Variants in KLHDC4 observed in about 807,000 individuals in gnomAD.
The protein encoded by KLHDC4 is kelch domain-containing protein 4.
In KLHDC4, 90 loss-of-function variants were observed where a neutral mutation model predicts 62.4. That is an observed-to-expected ratio of 1.44 (90% confidence interval 1.22 to 1.72). The LOEUF is 1.72. Ranked by LOEUF, KLHDC4 falls within the 40% of genes most tolerant of loss-of-function variation. The probability of loss-of-function intolerance (pLI) is 0.00; values close to 1 mark genes in which losing one functional copy is unlikely to be tolerated. For synonymous variants in KLHDC4, 386 were observed against 284.4 expected, an observed-to-expected ratio of 1.36 and a Z score of -3.59; for missense variants, 1,025 against 699.7, an observed-to-expected ratio of 1.47 and a Z score of -5.25.
intron 5 of KLHDC4, among the ~76,000 whole-genome samples, chr16:87,741,397 T>C (rs2042220830): frequency 6.6e-6 from 1 of 152,218 alleles, no homozygotes; most frequent in Non-Finnish European, 1.5e-5. Flanking sequence ...CCCCACCTCC[T>C]GTCAAAGCAG....
Position 87,764,177 on chromosome 16 carries a change from G to C in KLHDC4, c.99+1615C>G, listed in dbSNP as rs541742545. ...CAGACACAGCTGAATTTAAGAAAGA[G>C]ATGATCCTCTGTGGGTCTAGCCTAA... On this transcript the variant is annotated intron_variant, in intron 1 of 11. Coordinates refer to ENST00000270583, the MANE Select transcript of KLHDC4 (RefSeq NM_017566.4). Among the ~76,000 whole-genome samples the C allele has an allele frequency of 3.9e-5, 6 of 152,336 alleles. No homozygotes were observed. The East Asian group carries it at 5.8e-4, about 15-fold the overall frequency.
At chr16:87,754,905 G>A (rs188841748) in intron 4 of KLHDC4, among the ~76,000 whole-genome samples, 158 of 152,326 alleles carry the variant, frequency 1.0e-3, no homozygotes, top group African/African-American at 3.6e-3. Context: ...CGTGGGCCTA[G>A]GGGGAGTGAG....
At chr16:87,717,985 C>G (rs1180077345) in intron 7 of KLHDC4, among the ~76,000 whole-genome samples, 1 of 152,180 alleles carries the variant, frequency 6.6e-6, no homozygotes, top group African/African-American at 2.4e-5. Flanking sequence ...TTCACAAGGC[C>G]TGATCTGCTC....
chr16:87,723,867 T>C (rs1293846005), intron 7 of KLHDC4, among the ~76,000 whole-genome samples: 2 of 152,228 alleles, frequency 1.3e-5, no homozygotes, highest in Non-Finnish European at 2.9e-5. Context: ...AGATGAGTCT[T>C]GCTCTATTGC....
chr16:87,723,658 C>A (rs190626258), intron 7 of KLHDC4, among the ~76,000 whole-genome samples: 2 of 152,238 alleles, frequency 1.3e-5, no homozygotes, highest in Non-Finnish European at 2.9e-5. Context: ...AGAAAAAAAT[C>A]GGGTCATTCC....
intron 5 of KLHDC4, among the ~76,000 whole-genome samples, chr16:87,742,727 G>A (rs1360460471): frequency 6.6e-6 from 1 of 152,090 alleles, no homozygotes; most frequent in African/African-American, 2.4e-5. Flanking sequence ...CGTGGAGTAC[G>A]AAGACTTGAG....
rs60284660 is a variant in KLHDC4 at position 87,732,101 on chromosome 16, T to TCTTTTC, written c.507-1458_507-1457insGAAAAG. 2.8e-4 allele frequency among the ~76,000 whole-genome samples: 42 copies of TCTTTTC among 149,598 alleles called. 1 individual carries two copies. The highest frequency in any genetic ancestry group is 7.4e-4 in the African/African-American group (30 of 40,674). On this transcript the variant is annotated intron_variant, in intron 5 of 11. Coordinates refer to ENST00000270583, the MANE Select transcript of KLHDC4 (RefSeq NM_017566.4). Reference sequence around the variant, plus strand: ...ATTACATAAGTGTGCATATTTCTTTTTTTTTTTTTTTTTTGAGACAGCGTT... The same window carrying TCTTTTC: ...ATTACATAAGTGTGCATATTTCTTTTCTTTTCTTTTTTTTTTTTTTGAGACAGCGTT...
chr16:87,763,747 G>A (rs2046214027), intron 1 of KLHDC4: 1 of 152,248 alleles, frequency 6.6e-6, no homozygotes, highest in African/African-American at 2.4e-5. Flanking sequence ...CTGCTACTTA[G>A]AGCGGTCTTT....
At chr16:87,746,090 C>T (rs1253269403) in intron 5 of KLHDC4, among the ~76,000 whole-genome samples, 2 of 151,756 alleles carry the variant, frequency 1.3e-5, no homozygotes, top group African/African-American at 2.4e-5. Flanking sequence ...ATGACAAGAC[C>T]CCATCTCTAA....
At chr16:87,761,549 T>C (rs1222508966) in intron 2 of KLHDC4, among the ~76,000 whole-genome samples, 2 of 152,256 alleles carry the variant, frequency 1.3e-5, no homozygotes, top group African/African-American at 4.8e-5. Flanking sequence ...TTTAACAAAC[T>C]TTTCACATGA....
intron 1 of KLHDC4, among the ~76,000 whole-genome samples, chr16:87,764,266 G>A (rs1309145063): frequency 1.3e-5 from 2 of 152,116 alleles, no homozygotes; most frequent in Non-Finnish European, 2.9e-5. Flanking sequence ...ACAAACCCCA[G>A]GCCTGACAGG....
rs1231100929 is a variant in KLHDC4 at position 87,717,200 on chromosome 16, C to A, written c.760-2627G>T. ...GAGCCAAGATCATGCCACTGCACTCCAGCCTGGACGACAGAGTGAGACTTC... is the reference window on the plus strand; with the variant it reads ...GAGCCAAGATCATGCCACTGCACTCAAGCCTGGACGACAGAGTGAGACTTC... On this transcript the variant is annotated intron_variant, in intron 7 of 11. Transcript: ENST00000270583. 2.6e-5 allele frequency among the ~76,000 whole-genome samples: 4 copies of A among 152,342 alleles called. No individual in the cohort carries two copies. In the East Asian group the frequency reaches 7.7e-4, roughly 29 times the overall value.
intron 7 of KLHDC4, among the ~76,000 whole-genome samples, chr16:87,720,674 C>T (rs546323372): frequency 1.2e-4 from 18 of 152,360 alleles, no homozygotes; most frequent in African/African-American, 3.6e-4. Flanking sequence ...AGCATGAAGC[C>T]GCGCGCCCCC....
chr16:87,725,366 A>G (rs1056418210), intron 7 of KLHDC4, among the ~76,000 whole-genome samples: 10 of 152,044 alleles, frequency 6.6e-5, no homozygotes, highest in South Asian at 2.1e-4. Context: ...GGGGTTTCAC[A>G]GTGTTAGCCA....
downstream of KLHDC4, among the ~76,000 whole-genome samples, chr16:87,706,268 G>A (rs1234054326): frequency 1.1e-3 from 138 of 127,792 alleles, 2 homozygotes; most frequent in Non-Finnish European, 1.8e-3. Context: ...GCCCTTGAGG[G>A]GGTCGGTGGC....
chr16:87,704,070 T>C (rs1437136760), downstream of KLHDC4, among the ~76,000 whole-genome samples: 2 of 152,192 alleles, frequency 1.3e-5, no homozygotes, highest in Non-Finnish European at 2.9e-5. Context: ...TCCTTTTCCT[T>C]CCGGGCTGGG....
intron 5 of KLHDC4, among the ~76,000 whole-genome samples, chr16:87,741,796 C>A (rs189824173): frequency 6.6e-6 from 1 of 152,186 alleles, no homozygotes; most frequent in Non-Finnish European, 1.5e-5. Context: ...AGACTCCCTG[C>A]GCCTCTACCA....
intron 5 of KLHDC4, among the ~76,000 whole-genome samples, chr16:87,738,264 T>G (rs1310184031): frequency 6.6e-6 from 1 of 152,128 alleles, no homozygotes; most frequent in Admixed American, 6.5e-5. Context: ...GGAAACTGAC[T>G]TTCACTCAGA....
intron 5 of KLHDC4, among the ~76,000 whole-genome samples, chr16:87,735,354 C>T (rs562067266): frequency 9.3e-4 from 142 of 151,938 alleles, no homozygotes; most frequent in Non-Finnish European, 1.6e-3. Flanking sequence ...CATCCAAGTC[C>T]GCTTCAAAAA....
Sources: allele counts gnomAD v4.1 joint callset (sites outside exome capture counted in the v4.1 genomes callset), GRCh38; gene constraint gnomAD v4.1.1; transcripts MANE v1.5; gene names NCBI Gene and HGNC (gene_info 2026-07-23, HGNC 2026-07-21).